The following DGKH variants were observed in gnomAD, a reference collection of about 807,000 sequenced individuals.
DGKH encodes the protein diacylglycerol kinase eta.
In DGKH, 90 loss-of-function variants were observed where a neutral mutation model predicts 159.3. That is an observed-to-expected ratio of 0.57 (90% CI 0.48 to 0.67). The LOEUF (loss-of-function observed/expected upper bound fraction) is 0.67. Among genes scored for constraint, DGKH ranks in the 30% least tolerant of loss-of-function variants. The probability of loss-of-function intolerance (pLI) is 0.00; values close to 1 mark genes in which losing one functional copy is unlikely to be tolerated. For synonymous variants in DGKH, 536 were observed against 553.8 expected (o/e 0.97, Z 0.45); for missense variants, 1,181 against 1,506.1 (o/e 0.78, Z 3.57).
In DGKH at chr13:42,155,387, C is replaced by T. The variant is rs773279659; in HGVS notation, c.481C>T (p.Pro161Ser). The change falls in exon 4 of 30, where the codon CCC (proline) becomes TCC (serine). Residue 161 changes from proline to serine, a missense_variant. Around this residue, in one of 5 missense-constraint regions of DGKH, gnomAD observed 369 missense variants for 519.4 expected, o/e 0.71. Transcript: ENST00000337343. ...ACTGAAGTCTGTACAGACCAGAGAA[C>T]CCTACGAGGTAAAATAGCATCTTTT... Reference protein sequence around the residue: ...SSLKSVQTREPYEVAQFNVEH... With the variant: ...SSLKSVQTRESYEVAQFNVEH... 10 of 1,609,010 alleles carry T rather than the reference C, an allele frequency of 6.2e-6. No homozygotes were observed. Among genetic ancestry groups the T allele is most frequent in the Middle Eastern group, 3.3e-4 (2 of 6,064 alleles).
chr13:42,093,244 CAAAA>C (rs111570773), intron 1 of DGKH, among the ~76,000 whole-genome samples: 4 of 95,228 alleles, frequency 4.2e-5, no homozygotes, highest in African/African-American at 1.2e-4. Context: ...ACTCTGTCTC[CAAAA>C]AAAAAAAAAA....
intron 29 of DGKH, 41 bp from the exon 30 acceptor site, chr13:42,229,056 TCA>T: frequency 6.5e-7 from 1 of 1,536,128 alleles, no homozygotes; most frequent in South Asian, 1.2e-5. Context: ...GTTTTTTCTT[TCA>T]TTTTTAATTA....
At chr13:42,063,367 A>AG (rs1382219271) in intron 1 of DGKH, among the ~76,000 whole-genome samples, 1 of 152,214 alleles carries the variant, frequency 6.6e-6, no homozygotes, top group African/African-American at 2.4e-5. Flanking sequence ...CAGGAAAAAA[A>AG]GTCAGACATC....
Position 42,159,250 on chromosome 13 carries a change from T to TTTTTTTTTTG in DGKH, c.623-7_623-6insGTTTTTTTTT. The TTTTTTTTTTG allele has an allele frequency of 1.2e-6, 1 of 859,988 alleles. No individual in the cohort carries two copies. Among genetic ancestry groups the TTTTTTTTTTG allele is most frequent in the Non-Finnish European group, 1.7e-6 (1 of 597,246 alleles). The allele number at this position is 859,988 out of a possible 1,614,324, so 53.3% of individuals were successfully genotyped here. On this transcript the variant is annotated splice_polypyrimidine_tract_variant and intron_variant, in intron 5 of 29. Transcript: ENST00000337343. The stretch of plus-strand genomic sequence containing the variant: ...CCACTTAAAAGCAGTTGCTCTTTTT[T>TTTTTTTTTTG]TTTTTTTTTTTTTAGTGTGTAAATT...
Position 42,219,303 on chromosome 13 carries a change from CAG to C in DGKH, c.3291_3292del (p.Glu1097AspfsTer12). 1.2e-6 allele frequency: 2 copies of C among 1,613,914 alleles called. No individual in the cohort carries two copies. The highest frequency in any genetic ancestry group is 1.7e-6 in the Non-Finnish European group (2 of 1,179,898). On this transcript the variant is annotated frameshift_variant, in exon 27 of 30. Transcript: ENST00000337343. LOFTEE classifies it high-confidence loss of function. ...GTGGAGGTGGAATTACAGAAACTGA[CAG>C]AGATTCCTTGGCTTTATTATATCTT... is the stretch of plus-strand genomic sequence containing the variant.
intron 17 of DGKH, among the ~76,000 whole-genome samples, chr13:42,195,249 G>C (rs572197855): frequency 2.6e-5 from 4 of 152,108 alleles, no homozygotes; most frequent in Non-Finnish European, 5.9e-5. Context: ...ACCTGTAATC[G>C]CAGCACTTTG....
chr13:42,068,143 C>G (rs1396072315), intron 1 of DGKH, among the ~76,000 whole-genome samples: 4 of 152,116 alleles, frequency 2.6e-5, no homozygotes, highest in Admixed American at 2.0e-4. Context: ...TTAGGATAAA[C>G]TGACATAGAT....
At position 42,142,573 on chromosome 13, in the gene DGKH, G is replaced by A. The variant is rs538251267; in HGVS notation, c.385-12718G>A. Among the ~76,000 whole-genome samples, 12 of 151,852 alleles carry A rather than the reference G, an allele frequency of 7.9e-5. No homozygotes were observed. In the South Asian group the frequency reaches 2.5e-3, roughly 32 times the overall value. ...TGTTTGTATCCTCTTTTATTTCATT[G>A]AGCAGTGGTTTGTAGTTCTCCTTGA... On this transcript the variant is annotated intron_variant, in intron 3 of 29. Coordinates refer to ENST00000337343, the MANE Select transcript of DGKH (RefSeq NM_178009.5).
chr13:42,174,006 T>C (rs1018503891), intron 11 of DGKH, 54 bp from the exon 12 acceptor site: 29 of 1,354,122 alleles, frequency 2.1e-5, no homozygotes, highest in Admixed American at 6.8e-5. Context: ...ATGCTAACAG[T>C]TAGTTTATCC....
intron 3 of DGKH, chr13:42,153,954 A>T (rs912075810): frequency 1.3e-5 from 2 of 152,224 alleles, no homozygotes; most frequent in African/African-American, 4.8e-5. Flanking sequence ...TTCTGGGTTT[A>T]AGGAAGGATT....
Position 42,189,118 on chromosome 13 carries a change from T to C in DGKH, c.1721T>C (p.Leu574Pro). The C allele has an allele frequency of 1.2e-6, 2 of 1,614,248 alleles. No homozygotes were observed. The highest frequency in any genetic ancestry group is 1.7e-6 in the Non-Finnish European group (2 of 1,180,036). ...DSQAAPVLPG[L>P]SPLIVEEDAV... The stretch of plus-strand genomic sequence containing the variant: ...CAGGCTGCGCCTGTTCTCCCTGGCC[T>C]CAGCCCTCTCATTGTGGAAGAAGAT... The change falls in exon 15 of 30, where the codon CTC (leucine) becomes CCC (proline). Residue 574 changes from leucine (L) to proline (P), a missense_variant. This residue lies in a region of DGKH where 257 missense variants were observed against 281.5 expected (regional missense o/e 0.91). Coordinates refer to ENST00000337343, the MANE Select transcript of DGKH (RefSeq NM_178009.5).
At position 42,086,761 on chromosome 13, in the gene DGKH, C is replaced by T. The variant is rs118005775; in HGVS notation, c.192+37796C>T. Among the ~76,000 whole-genome samples the T allele has an allele frequency of 8.5e-3, 1,294 of 152,192 alleles. 6 individuals are homozygous for T. The highest frequency in any genetic ancestry group is 0.013 in the Non-Finnish European group (914 of 68,012). ...AGGGAAAAGCAATGTAAGAAACAAA[C>T]CTGGGTGTGAGCCCTCTGATTGTCC... On this transcript the variant is annotated intron_variant, in intron 1 of 29. Transcript: ENST00000337343.
intron 26 of DGKH, among the ~76,000 whole-genome samples, chr13:42,216,152 T>C (rs1373923782): frequency 6.6e-6 from 1 of 152,234 alleles, no homozygotes; most frequent in Non-Finnish European, 1.5e-5. Context: ...GTCCTGGAAA[T>C]CAAGTTTAGG....
At chr13:42,101,612 T>C (rs1256770887) in intron 1 of DGKH, among the ~76,000 whole-genome samples, 1 of 152,182 alleles carries the variant, frequency 6.6e-6, no homozygotes. Context: ...CAGGGACTTC[T>C]GGAGGAGAAA....
At chr13:42,116,063 T>C (rs1215657117) in intron 1 of DGKH, among the ~76,000 whole-genome samples, 1 of 152,234 alleles carries the variant, frequency 6.6e-6, no homozygotes, top group Non-Finnish European at 1.5e-5. Context: ...TATATTATTT[T>C]GAATCCATTG....
chr13:42,149,198 G>A (rs886327270), intron 3 of DGKH, among the ~76,000 whole-genome samples: 1 of 151,832 alleles, frequency 6.6e-6, no homozygotes, highest in Non-Finnish European at 1.5e-5. Context: ...TAAATTGATG[G>A]GATTACAGAC....
chr13:42,178,477 G>A (rs61959236), intron 13 of DGKH, among the ~76,000 whole-genome samples: 33,340 of 151,832 alleles, frequency 0.22, 4,356 homozygotes, highest in Admixed American at 0.29. Context: ...AGCGTTTAGA[G>A]TTTAATTAAC....
At position 42,197,871 on chromosome 13, in the gene DGKH, G is replaced by A. The variant is rs989050366; in HGVS notation, c.2168-607G>A. On this transcript the variant is annotated intron_variant, in intron 17 of 29. Transcript: ENST00000337343. ...ATAAAATTCATTAGCTTTGAATACT[G>A]TAACAGTTAGAAAACTAGTTGGAAA... Among the ~76,000 whole-genome samples, 7 of 152,100 alleles carry A rather than the reference G, an allele frequency of 4.6e-5. No individual in the cohort carries two copies. In the South Asian group the frequency reaches 1.4e-3, roughly 31 times the overall value.
chr13:42,123,686 CAG>C (rs1955118089), intron 1 of DGKH, among the ~76,000 whole-genome samples: 2 of 152,142 alleles, frequency 1.3e-5, no homozygotes, highest in South Asian at 2.1e-4. Flanking sequence ...AAGATTCAAA[CAG>C]ACATTTCACC....
Sources: gnomAD v4.1 joint callset for allele counts (sites outside exome capture counted in the v4.1 genomes callset) on GRCh38, gnomAD v4.1.1 for gene constraint, gnomAD v4.1.1 regional missense constraint, MANE v1.5 for transcripts, NCBI Gene and HGNC (gene_info 2026-07-23, HGNC 2026-07-21) for gene names.